The following CAMTA1 variants were observed in gnomAD, a reference collection of about 807,000 sequenced individuals.
The protein encoded by CAMTA1 is calmodulin binding transcription activator 1, also known as calmodulin-binding transcription activator 1.
Under a neutral mutation model 170.9 loss-of-function variants are expected in CAMTA1, and 27 were observed. The ratio of observed to expected loss-of-function variants is 0.16; its 90% confidence interval spans 0.12 to 0.22. The LOEUF is 0.22. CAMTA1 is among the 10% of genes least tolerant of loss of function. The pLI, the probability that CAMTA1 is intolerant of heterozygous loss-of-function variation, is 1.00. For synonymous variants in CAMTA1, 833 were observed against 891.5 expected, an observed-to-expected ratio of 0.93 and a Z score of 1.17; for missense variants, 1,619 against 2,217.2, an observed-to-expected ratio of 0.73 and a Z score of 5.42.
intron 5 of CAMTA1, among the ~76,000 whole-genome samples, chr1:7,355,968 G>A (rs58272971): frequency 0.013 from 1,910 of 152,362 alleles, 40 homozygotes; most frequent in African/African-American, 0.044. Context: ...TTGCTCTCAG[G>A]AAGATCTAGG....
At chr1:7,730,080 A>AG (rs2096720179) in intron 11 of CAMTA1, among the ~76,000 whole-genome samples, 1 of 152,250 alleles carries the variant, frequency 6.6e-6, no homozygotes, top group Non-Finnish European at 1.5e-5. Flanking sequence ...GGTGATGGCA[A>AG]GCATGCTAAC....
rs140416662 is a variant in CAMTA1 at position 7,504,205 on chromosome 1, G to A, written c.510+36304G>A. Among the ~76,000 whole-genome samples the A allele has an allele frequency of 1.2e-4, 19 of 152,322 alleles. No individual in the cohort carries two copies. In the East Asian group the frequency reaches 3.5e-3, roughly 28 times the overall value. On this transcript the variant is annotated intron_variant, in intron 6 of 22. Transcript: ENST00000303635. Reference sequence around the variant, plus strand: ...GCCAAGGGTCTGCAATCAGCCTCCCGGGTCCTGCCAGGCTCTGCTGCCCAG... The same window carrying A: ...GCCAAGGGTCTGCAATCAGCCTCCCAGGTCCTGCCAGGCTCTGCTGCCCAG...
chr1:7,715,685 C>T (rs771007660), intron 11 of CAMTA1, among the ~76,000 whole-genome samples: 1 of 152,200 alleles, frequency 6.6e-6, no homozygotes, highest in Non-Finnish European at 1.5e-5. Flanking sequence ...GTAATTCATA[C>T]ATTTGTTCAG....
chr1:7,486,199 G>A (rs2093615236), intron 6 of CAMTA1, among the ~76,000 whole-genome samples: 1 of 151,812 alleles, frequency 6.6e-6, no homozygotes, highest in African/African-American at 2.4e-5. Flanking sequence ...GCAGTGGTAT[G>A]CTGGAAATGC....
chr1:7,225,783 C>T (rs1661592937), intron 4 of CAMTA1, among the ~76,000 whole-genome samples: 1 of 152,204 alleles, frequency 6.6e-6, no homozygotes, highest in South Asian at 2.1e-4. Flanking sequence ...GCATTTCCAG[C>T]TCAGAAGTTC....
chr1:6,852,572 A>G (rs2148819904), intron 3 of CAMTA1, among the ~76,000 whole-genome samples: 1 of 152,352 alleles, frequency 6.6e-6, no homozygotes, highest in East Asian at 1.9e-4. Context: ...ACATTTACCT[A>G]GGTTTACCTG....
At chr1:7,291,570 C>T (rs144425824) in intron 5 of CAMTA1, among the ~76,000 whole-genome samples, 1 of 152,374 alleles carries the variant, frequency 6.6e-6, no homozygotes, top group East Asian at 1.9e-4. Context: ...ATGAATTAAG[C>T]GCTGCTGGGA....
At chr1:6,848,414 A>G (rs1350085293) in intron 3 of CAMTA1, among the ~76,000 whole-genome samples, 1 of 152,146 alleles carries the variant, frequency 6.6e-6, no homozygotes, top group Non-Finnish European at 1.5e-5. Flanking sequence ...CTCCCAAAGT[A>G]TTGGGATTAC....
intron 5 of CAMTA1, among the ~76,000 whole-genome samples, chr1:7,264,508 T>A (rs1053561225): frequency 4.6e-5 from 7 of 152,190 alleles, no homozygotes; most frequent in African/African-American, 1.7e-4. Context: ...GAAAGCCACG[T>A]GTGTAGAGCA....
At chr1:7,571,059 C>T (rs1226450933) in intron 6 of CAMTA1, among the ~76,000 whole-genome samples, 1 of 152,240 alleles carries the variant, frequency 6.6e-6, no homozygotes, top group Non-Finnish European at 1.5e-5. Flanking sequence ...ACTGCCTTCA[C>T]CTTCATGGAA....
At chr1:7,259,522 G>T (rs1034174610) in intron 5 of CAMTA1, among the ~76,000 whole-genome samples, 1 of 152,224 alleles carries the variant, frequency 6.6e-6, no homozygotes, top group Non-Finnish European at 1.5e-5. Flanking sequence ...AATTTGGAAA[G>T]GATTGGGACA....
chr1:7,699,179 T>TTTTCAGAAAC (rs1295744933), intron 11 of CAMTA1, among the ~76,000 whole-genome samples: 1 of 152,178 alleles, frequency 6.6e-6, no homozygotes, highest in African/African-American at 2.4e-5. Flanking sequence ...TTTCTGAGTG[T>TTTTCAGAAAC]TTTCACAGGG....
At chr1:7,204,633 T>A (rs1657335965) in intron 4 of CAMTA1, among the ~76,000 whole-genome samples, 2 of 152,070 alleles carry the variant, frequency 1.3e-5, no homozygotes, top group African/African-American at 4.8e-5. Context: ...TATACTATTC[T>A]TGGGTAGAGT....
intron 6 of CAMTA1, among the ~76,000 whole-genome samples, chr1:7,581,777 G>A (rs1383005917): frequency 1.3e-5 from 2 of 152,240 alleles, no homozygotes; most frequent in Non-Finnish European, 2.9e-5. Context: ...GGAATGGAAG[G>A]AGCACTGTTT....
At chr1:6,942,891 T>C (rs1686892525) in intron 3 of CAMTA1, among the ~76,000 whole-genome samples, 1 of 152,168 alleles carries the variant, frequency 6.6e-6, no homozygotes, top group Non-Finnish European at 1.5e-5. Flanking sequence ...TTGGACACTC[T>C]CACTCAGAGT....
rs1451773013 is a variant in CAMTA1 at position 7,010,167 on chromosome 1, C to T, written c.235-81137C>T. ...AGGAACCATGGCCTGCAGGACACTG[C>T]TGCGAGGAGGGCTTCCTGGAGCTTG... On this transcript the variant is annotated intron_variant, in intron 3 of 22. Transcript: ENST00000303635. The surrounding 1 kb of genome is among the most constrained non-coding windows in gnomAD (Gnocchi z 4.4). Among the ~76,000 whole-genome samples, 1 of 152,216 alleles carries T rather than the reference C, an allele frequency of 6.6e-6. No homozygotes were observed. Among genetic ancestry groups the T allele is most frequent in the Non-Finnish European group, 1.5e-5 (1 of 68,034 alleles).
At chr1:7,342,245 G>C (rs955070424) in intron 5 of CAMTA1, among the ~76,000 whole-genome samples, 1 of 152,140 alleles carries the variant, frequency 6.6e-6, no homozygotes, top group Non-Finnish European at 1.5e-5. Context: ...CAGGCTCCAC[G>C]ACCTGTCCAG....
intron 3 of CAMTA1, among the ~76,000 whole-genome samples, chr1:6,843,605 A>G (rs1269762765): frequency 6.6e-6 from 1 of 152,194 alleles, no homozygotes; most frequent in Non-Finnish European, 1.5e-5. Flanking sequence ...TCAGTCTCCC[A>G]GGTAGCTGGG....
chr1:7,238,322 T>C (rs952148409), intron 4 of CAMTA1, among the ~76,000 whole-genome samples: 4 of 152,204 alleles, frequency 2.6e-5, no homozygotes, highest in African/African-American at 9.6e-5. Context: ...TGGATTTGAA[T>C]GTTGACTCTC....
Sources: allele counts gnomAD v4.1 joint callset (sites outside exome capture counted in the v4.1 genomes callset), GRCh38; gene constraint gnomAD v4.1.1; non-coding constraint Gnocchi (gnomAD v3.1); transcripts MANE v1.5; gene names NCBI Gene and HGNC (gene_info 2026-07-23, HGNC 2026-07-21).